CRPPA: variants seen among roughly 807,000 people sequenced by gnomAD.
CRPPA encodes CDP-L-ribitol pyrophosphorylase A.
A neutral mutation model predicts 52.0 loss-of-function variants in CRPPA; 43 were observed. The observed-to-expected ratio is 0.83, with a 90% CI of 0.65 to 1.07. CRPPA has a LOEUF of 1.07. Among genes scored for constraint, CRPPA ranks in the 50% least tolerant of loss-of-function variants. The pLI, the probability that CRPPA is intolerant of heterozygous loss-of-function variation, is 0.00. For synonymous variants in CRPPA, 250 were observed against 203.5 expected, an observed-to-expected ratio of 1.23 and a Z score of -1.94; for missense variants, 629 against 551.7, an observed-to-expected ratio of 1.14 and a Z score of -1.40.
intron 9 of CRPPA, among the ~76,000 whole-genome samples, chr7:16,105,678 G>C (rs560272092): frequency 1.3e-5 from 2 of 152,184 alleles, no homozygotes; most frequent in East Asian, 1.9e-4. Flanking sequence ...AGCTGAGCTG[G>C]TTGCCTTCAG....
At chr7:16,187,070 A>G (rs767776021) in intron 9 of CRPPA, among the ~76,000 whole-genome samples, 14 of 152,200 alleles carry the variant, frequency 9.2e-5, no homozygotes, top group Non-Finnish European at 1.8e-4. Flanking sequence ...TATTTTTATT[A>G]AAAGTCTCAT....
At chr7:16,100,100 T>C (rs1245849917) in intron 9 of CRPPA, among the ~76,000 whole-genome samples, 3 of 152,208 alleles carry the variant, frequency 2.0e-5, no homozygotes, top group African/African-American at 7.2e-5. Flanking sequence ...ACTATCAACC[T>C]AATCAACCCT....
At chr7:16,273,550 C>A (rs919858463) in intron 6 of CRPPA, among the ~76,000 whole-genome samples, 11 of 151,994 alleles carry the variant, frequency 7.2e-5, no homozygotes, top group South Asian at 6.2e-4. Flanking sequence ...ACTCCATCCC[C>A]TTTCCAGCAC....
chr7:16,397,196 G>A (rs942757841), intron 2 of CRPPA, among the ~76,000 whole-genome samples: 1 of 152,260 alleles, frequency 6.6e-6, no homozygotes, highest in Non-Finnish European at 1.5e-5. Flanking sequence ...AAACGTGATG[G>A]ACGTGTGACA....
At chr7:16,273,807 C>A (rs1015451203) in intron 6 of CRPPA, among the ~76,000 whole-genome samples, 1 of 152,170 alleles carries the variant, frequency 6.6e-6, no homozygotes, top group Admixed American at 6.5e-5. Flanking sequence ...CATGGATACC[C>A]TGCTAGATGT....
chr7:16,150,083 C>G (rs1319798073), intron 9 of CRPPA, among the ~76,000 whole-genome samples: 1 of 151,604 alleles, frequency 6.6e-6, no homozygotes, highest in Non-Finnish European at 1.5e-5. Context: ...ATGTGTACAA[C>G]GAAACTGGTA....
rs149103484 is a variant in CRPPA at position 16,406,474 on chromosome 7, A to G, written c.258-137T>C. The G allele has an allele frequency of 1.9e-3, 1,362 of 698,974 alleles. 11 individuals are homozygous for G. The highest frequency in any genetic ancestry group is 0.012 in the South Asian group (628 of 51,688). The allele number at this position is 698,974 out of a possible 1,614,324, so 43.3% of individuals were successfully genotyped here. ...GCAAGTTAATAAAACAGTTTTATGC[A>G]TTCTCGTTAGGTCCAGTAAAGAGGC... On this transcript the variant is annotated intron_variant, in intron 1 of 9. Transcript: ENST00000407010.
chr7:16,110,423 G>T (rs566728218), intron 9 of CRPPA, among the ~76,000 whole-genome samples: 4 of 151,994 alleles, frequency 2.6e-5, no homozygotes, highest in African/African-American at 7.2e-5. Context: ...AAAAAATATT[G>T]TTAAGTTCAT....
intron 3 of CRPPA, among the ~76,000 whole-genome samples, chr7:16,335,057 C>T (rs11974846): frequency 0.022 from 3,181 of 144,400 alleles, 103 homozygotes; most frequent in African/African-American, 0.075. Context: ...AAGTGGCTCA[C>T]ACATGTAATC....
chr7:16,300,339 T>A (rs1041496236), intron 5 of CRPPA, among the ~76,000 whole-genome samples: 11 of 152,192 alleles, frequency 7.2e-5, no homozygotes, highest in Non-Finnish European at 1.2e-4. Flanking sequence ...AGTACATTTT[T>A]CTACTTCGAA....
At chr7:16,392,022 T>A (rs1311642397) in intron 2 of CRPPA, among the ~76,000 whole-genome samples, 1 of 152,146 alleles carries the variant, frequency 6.6e-6, no homozygotes, top group East Asian at 1.9e-4. Context: ...GTATTTGTAG[T>A]CTATGAACAA....
chr7:16,213,654 CAGG>C (rs754799903), intron 9 of CRPPA, among the ~76,000 whole-genome samples: 13 of 151,148 alleles, frequency 8.6e-5, no homozygotes, highest in Admixed American at 2.0e-4. Flanking sequence ...GAGGCTGTGG[CAGG>C]AGAATTGCTT....
chr7:16,274,094 G>C (rs886377129), intron 6 of CRPPA, among the ~76,000 whole-genome samples: 2 of 152,178 alleles, frequency 1.3e-5, no homozygotes, highest in Non-Finnish European at 2.9e-5. Flanking sequence ...CTGTCGCCCA[G>C]GCTGGAGTGC....
intron 9 of CRPPA, among the ~76,000 whole-genome samples, chr7:16,191,786 G>A (rs1169250535): frequency 3.9e-5 from 6 of 151,994 alleles, no homozygotes; most frequent in Non-Finnish European, 8.8e-5. Flanking sequence ...CCACATCTGG[G>A]ATCCTCAATG....
intron 9 of CRPPA, among the ~76,000 whole-genome samples, chr7:16,204,435 CAA>C (rs897539549): frequency 7.0e-4 from 107 of 151,890 alleles, no homozygotes; most frequent in African/African-American, 2.3e-3. Flanking sequence ...TACACATGAA[CAA>C]AGAGGGGAAT....
At chr7:16,246,279 C>T (rs1309164938) in intron 8 of CRPPA, among the ~76,000 whole-genome samples, 2 of 152,150 alleles carry the variant, frequency 1.3e-5, no homozygotes, top group Non-Finnish European at 2.9e-5. Context: ...AGAAGCAACT[C>T]CTCATCCATC....
chr7:16,244,905 G>C (rs536364124), intron 8 of CRPPA, among the ~76,000 whole-genome samples: 1 of 152,096 alleles, frequency 6.6e-6, no homozygotes, highest in Admixed American at 6.5e-5. Flanking sequence ...AATAAGAACA[G>C]ACATATTTTT....
intron 9 of CRPPA, among the ~76,000 whole-genome samples, chr7:16,093,838 G>T (rs1408057200): frequency 2.6e-5 from 4 of 152,122 alleles, no homozygotes; most frequent in African/African-American, 7.2e-5. Flanking sequence ...TTATAGTGCT[G>T]CAGGGTCTAT....
chr7:16,278,192 A>G lies in CRPPA; in HGVS notation c.870T>C (p.Asp290=). Residue 290 remains aspartate, a synonymous_variant, in exon 6 of 10, where the codon GAT becomes GAC. Coordinates refer to ENST00000407010, the MANE Select transcript of CRPPA (RefSeq NM_001101426.4). ...CTACATGTTTGTTATCTTCTTCTGT[A>G]TCCATAACTACACAAATCTCTTGGG... ...RISQEICVVM[D]TEEDNKHVGH... 6.3e-7 allele frequency: 1 copy of G among 1,579,928 alleles called. No individual in the cohort carries two copies. Among genetic ancestry groups the G allele is most frequent in the Non-Finnish European group, 8.6e-7 (1 of 1,158,194 alleles).
Sources: allele counts gnomAD v4.1 joint callset (sites outside exome capture counted in the v4.1 genomes callset), GRCh38; gene constraint gnomAD v4.1.1; transcripts MANE v1.5; gene names NCBI Gene and HGNC (gene_info 2026-07-23, HGNC 2026-07-21).